TRPM3: variants seen among roughly 807,000 people sequenced by gnomAD.
The protein encoded by TRPM3 is transient receptor potential cation channel subfamily M member 3.
Under a neutral mutation model 181.2 loss-of-function variants are expected in TRPM3, and 77 were observed. That is an observed-to-expected ratio of 0.42 (90% CI 0.35 to 0.51). The LOEUF is 0.51. Ranked by LOEUF, TRPM3 falls within the 20% of genes least tolerant of loss-of-function variation. The pLI is 0.01. For missense variants in TRPM3, 1,759 were observed against 2,196.7 expected, an observed-to-expected ratio of 0.80 and a Z score of 3.98; for synonymous variants, 745 against 796.4, an observed-to-expected ratio of 0.94 and a Z score of 1.09.
chr9:70,550,547 T>G (rs1014797972), intron 24 of TRPM3, among the ~76,000 whole-genome samples: 1 of 152,234 alleles, frequency 6.6e-6, no homozygotes, highest in Non-Finnish European at 1.5e-5. Flanking sequence ...ATAACTGATA[T>G]AGCAGTAGAA....
intron 25 of TRPM3, among the ~76,000 whole-genome samples, chr9:70,545,548 C>CTTTTTTTTTTTTTT (rs5898150): frequency 8.8e-6 from 1 of 113,352 alleles, no homozygotes. Flanking sequence ...AATTTTCTTT[C>CTTTTTTTTTTTTTT]TTTTTTTTTT....
intron 1 of TRPM3, among the ~76,000 whole-genome samples, chr9:71,350,052 G>A (rs192634956): frequency 6.7e-6 from 1 of 150,026 alleles, no homozygotes. Flanking sequence ...CATTTGCTCT[G>A]ACTTAAGGGT....
At chr9:70,772,851 T>C (rs527318545) in intron 7 of TRPM3, among the ~76,000 whole-genome samples, 13 of 152,216 alleles carry the variant, frequency 8.5e-5, no homozygotes, top group Non-Finnish European at 1.5e-4. Context: ...TCAGGTGGAT[T>C]CTCTGCTGCC....
chr9:71,297,287 C>T (rs765159373), intron 1 of TRPM3, among the ~76,000 whole-genome samples: 28 of 152,200 alleles, frequency 1.8e-4, no homozygotes, highest in Middle Eastern at 3.4e-3. Context: ...GAAGAACTCA[C>T]GATATGCTGG....
chr9:71,111,870 C>G (rs1192336901), intron 1 of TRPM3, among the ~76,000 whole-genome samples: 1 of 152,182 alleles, frequency 6.6e-6, no homozygotes, highest in Non-Finnish European at 1.5e-5. Context: ...AACCAACAAA[C>G]AGTAGCATAA....
chr9:70,596,851 A>T (rs2059122644), intron 21 of TRPM3, among the ~76,000 whole-genome samples: 1 of 151,802 alleles, frequency 6.6e-6, no homozygotes, highest in Non-Finnish European at 1.5e-5. Flanking sequence ...GCAGTCTTGA[A>T]CTCTGGGCTC....
intron 1 of TRPM3, among the ~76,000 whole-genome samples, chr9:71,251,334 T>C (rs2082329684): frequency 6.6e-6 from 1 of 152,322 alleles, no homozygotes; most frequent in East Asian, 1.9e-4. Flanking sequence ...ATCATAGCAT[T>C]AATCTTACCC....
chr9:71,092,450 C>A (rs2066387838), intron 1 of TRPM3, among the ~76,000 whole-genome samples: 1 of 152,156 alleles, frequency 6.6e-6, no homozygotes. Context: ...GTAACACTAA[C>A]TTCTTCAATT....
chr9:71,222,461 T>C (rs2080299090), intron 1 of TRPM3, among the ~76,000 whole-genome samples: 1 of 152,158 alleles, frequency 6.6e-6, no homozygotes, highest in Non-Finnish European at 1.5e-5. Context: ...TAGGCAATTT[T>C]AATAAATGAA....
At chr9:70,630,861 G>A (rs77107303) in intron 12 of TRPM3, among the ~76,000 whole-genome samples, 3,348 of 152,192 alleles carry the variant, frequency 0.022, 121 homozygotes, top group African/African-American at 0.076. Context: ...GGTTTACTTC[G>A]TGCCATGCAT....
chr9:70,695,239 C>T (rs1398475396), intron 8 of TRPM3, among the ~76,000 whole-genome samples: 1 of 152,178 alleles, frequency 6.6e-6, no homozygotes, highest in East Asian at 1.9e-4. Context: ...AGCAGTATAA[C>T]CTTAGGCCAT....
At chr9:70,820,777 G>T (rs1168871801) in intron 6 of TRPM3, among the ~76,000 whole-genome samples, 8 of 152,028 alleles carry the variant, frequency 5.3e-5, no homozygotes, top group Non-Finnish European at 8.8e-5. Context: ...GTTATCCCTA[G>T]CTTACAGATG....
intron 22 of TRPM3, among the ~76,000 whole-genome samples, chr9:70,589,291 G>C (rs1037963857): frequency 5.3e-5 from 8 of 152,088 alleles, no homozygotes; most frequent in African/African-American, 1.9e-4. Flanking sequence ...GCACTAGGCT[G>C]GGTTCATAGT....
intron 1 of TRPM3, among the ~76,000 whole-genome samples, chr9:70,888,293 A>G (rs959219200): frequency 6.6e-6 from 1 of 152,028 alleles, no homozygotes; most frequent in African/African-American, 2.4e-5. Context: ...ATGGCAATAT[A>G]GTCACATTTT....
At chr9:71,247,268 C>T (rs570330268) in intron 1 of TRPM3, among the ~76,000 whole-genome samples, 27 of 145,260 alleles carry the variant, frequency 1.9e-4, no homozygotes, top group Admixed American at 1.4e-3. Flanking sequence ...GCAGGAGAAT[C>T]GCTTGAACCT....
intron 6 of TRPM3, chr9:70,826,811 T>C (rs2093584891): frequency 6.6e-6 from 1 of 152,266 alleles, no homozygotes; most frequent in Non-Finnish European, 1.5e-5. Flanking sequence ...GTTTCCCTGA[T>C]GGGACATCTA....
At chr9:71,071,992 G>C (rs1036731577) in intron 1 of TRPM3, among the ~76,000 whole-genome samples, 2 of 152,154 alleles carry the variant, frequency 1.3e-5, no homozygotes, top group African/African-American at 4.8e-5. Flanking sequence ...GTAGGAAATG[G>C]GATTCAGATG....
intron 6 of TRPM3, among the ~76,000 whole-genome samples, chr9:70,810,629 G>A (rs1396548483): frequency 6.6e-6 from 1 of 152,050 alleles, no homozygotes; most frequent in African/African-American, 2.4e-5. Context: ...TTGCTGAATG[G>A]AATAATGACC....
intron 3 of TRPM3, among the ~76,000 whole-genome samples, chr9:70,859,723 G>T (rs536530632): frequency 9.1e-6 from 1 of 109,430 alleles, no homozygotes; most frequent in Non-Finnish European, 2.0e-5. Flanking sequence ...TTTTCCAGCA[G>T]GAGAAAAAGT....
Sources: allele counts gnomAD v4.1 joint callset (sites outside exome capture counted in the v4.1 genomes callset), GRCh38; gene constraint gnomAD v4.1.1; transcripts MANE v1.5; gene names NCBI Gene and HGNC (gene_info 2026-07-23, HGNC 2026-07-21).